TRAPPC9: variants seen among roughly 807,000 people sequenced by gnomAD.
TRAPPC9 encodes the protein IKK2 binding protein.
TRAPPC9 carries 83 observed loss-of-function variants against 124.0 expected under a neutral mutation model. That is an observed-to-expected ratio of 0.67 (90% CI 0.56 to 0.80). The LOEUF (loss-of-function observed/expected upper bound fraction) is 0.80, where lower values mean the gene tolerates loss of function less well. Ranked by LOEUF, TRAPPC9 falls within the 30% of genes least tolerant of loss-of-function variation. The pLI is 0.00. For missense variants in TRAPPC9, 1,302 were observed against 1,508.3 expected, an observed-to-expected ratio of 0.86 and a Z score of 2.27; for synonymous variants, 638 against 617.5, an observed-to-expected ratio of 1.03 and a Z score of -0.49.
chr8:139,731,329 G>A (rs1249277860), intron 22 of TRAPPC9, 101 bp from the exon 23 acceptor site: 7 of 1,427,582 alleles, frequency 4.9e-6, no homozygotes, highest in Non-Finnish European at 6.7e-6. Flanking sequence ...GTGTTATGGG[G>A]GAAGCGAGGG....
chr8:140,337,252 C>A (rs997525028), intron 9 of TRAPPC9, among the ~76,000 whole-genome samples: 2 of 152,178 alleles, frequency 1.3e-5, no homozygotes, highest in African/African-American at 4.8e-5. Flanking sequence ...GGAGTTCACA[C>A]ACATGAAGGC....
intron 17 of TRAPPC9, among the ~76,000 whole-genome samples, chr8:140,168,518 C>T (rs2061893619): frequency 6.6e-6 from 1 of 152,194 alleles, no homozygotes; most frequent in African/African-American, 2.4e-5. Context: ...CTTTCACTTC[C>T]CTTCTCTCAC....
At chr8:140,445,191 C>T (rs1206907878) in intron 2 of TRAPPC9, among the ~76,000 whole-genome samples, 2 of 152,184 alleles carry the variant, frequency 1.3e-5, no homozygotes, top group Non-Finnish European at 2.9e-5. Context: ...CTACTCTGTT[C>T]GAGTCACACT....
At chr8:140,278,405 C>T (rs1366122067) in intron 14 of TRAPPC9, among the ~76,000 whole-genome samples, 1 of 152,210 alleles carries the variant, frequency 6.6e-6, no homozygotes, top group African/African-American at 2.4e-5. Context: ...CGCACCCGGC[C>T]GTGACAATAT....
chr8:140,437,134 C>A (rs528243773), intron 3 of TRAPPC9, among the ~76,000 whole-genome samples: 1 of 143,922 alleles, frequency 6.9e-6, no homozygotes, highest in Admixed American at 7.1e-5. Flanking sequence ...CAGCTAATGT[C>A]TTTTTATTTT....
In TRAPPC9 at chr8:139,907,723, G is replaced by C. The variant is rs1164368753; in HGVS notation, c.2964+2424C>G. On this transcript the variant is annotated intron_variant, in intron 20 of 22. Transcript: ENST00000438773. The surrounding 1 kb of genome is among the most constrained non-coding windows in gnomAD (Gnocchi z 4.7). Reference sequence around the variant, plus strand: ...GGTAGGCAATCAATAAATATGTGTTGCATGAATTATTAAGCAAATATACAG... The same window carrying C: ...GGTAGGCAATCAATAAATATGTGTTCCATGAATTATTAAGCAAATATACAG... 6.6e-6 allele frequency among the ~76,000 whole-genome samples: 1 copy of C among 152,192 alleles called. No homozygotes were observed. Among genetic ancestry groups the C allele is most frequent in the East Asian group, 1.9e-4 (1 of 5,194 alleles).
chr8:140,453,960 C>T (rs374777530), intron 1 of TRAPPC9, among the ~76,000 whole-genome samples: 4 of 152,254 alleles, frequency 2.6e-5, no homozygotes, highest in African/African-American at 9.6e-5. Context: ...GAGGAGAGCG[C>T]GGCCCACCGC....
chr8:140,337,727 TGA>T (rs1403522913), intron 9 of TRAPPC9, among the ~76,000 whole-genome samples: 1 of 151,894 alleles, frequency 6.6e-6, no homozygotes, highest in Non-Finnish European at 1.5e-5. Flanking sequence ...AGCGGTGCTG[TGA>T]GAGTGGCTGT....
At position 139,827,166 on chromosome 8, in the gene TRAPPC9, G is replaced by A. The variant is rs114984383; in HGVS notation, c.3055+58713C>T. 7.8e-3 allele frequency among the ~76,000 whole-genome samples: 1,186 copies of A among 152,364 alleles called. 11 individuals are homozygous for A. The highest frequency in any genetic ancestry group is 0.027 in the African/African-American group (1,127 of 41,596). On this transcript the variant is annotated intron_variant, in intron 21 of 22. Transcript: ENST00000438773. Reference sequence around the variant, plus strand: ...ACAGCTGTTGCAGAATGGTGAGCTAGAGCCCGGGAAGCGCCTACAGCAGGT... The same window carrying A: ...ACAGCTGTTGCAGAATGGTGAGCTAAAGCCCGGGAAGCGCCTACAGCAGGT...
intron 21 of TRAPPC9, among the ~76,000 whole-genome samples, chr8:139,817,045 A>AACACACACACACACACAC (rs1228353322): frequency 0.036 from 4,918 of 135,294 alleles, 199 homozygotes; most frequent in African/African-American, 0.075. Context: ...ACATAAACTA[A>AACACACACACACACACAC]ACACACACAC....
intron 7 of TRAPPC9, among the ~76,000 whole-genome samples, chr8:140,388,974 T>C (rs1224499626): frequency 6.8e-6 from 1 of 146,208 alleles, no homozygotes; most frequent in Non-Finnish European, 1.5e-5. Flanking sequence ...TTTTTTTTTT[T>C]TTGATGGAGT....
chr8:140,207,369 A>C (rs540089587), intron 17 of TRAPPC9, among the ~76,000 whole-genome samples: 2 of 152,334 alleles, frequency 1.3e-5, no homozygotes, highest in South Asian at 4.1e-4. Flanking sequence ...GTCTCTATTT[A>C]AACTGCTTTG....
chr8:139,745,168 C>T (rs1477087989), intron 21 of TRAPPC9, among the ~76,000 whole-genome samples: 1 of 152,210 alleles, frequency 6.6e-6, no homozygotes. Context: ...CCAGGGTCTC[C>T]CAGCCCATGG....
upstream of TRAPPC9, chr8:140,458,389 C>G (rs780990176): frequency 3.8e-6 from 6 of 1,597,694 alleles, no homozygotes. Context: ...GTGACCCTCA[C>G]GGTACCCCCC....
In TRAPPC9 at chr8:139,877,927, C is replaced by G. The variant is rs139919922; in HGVS notation, c.3055+7952G>C. ...GAGACCCCAGTTGGCTCAGCGCTGACTCCTTGCCAGTCCGAGCCACGCAAC... is the reference window on the plus strand; with the variant it reads ...GAGACCCCAGTTGGCTCAGCGCTGAGTCCTTGCCAGTCCGAGCCACGCAAC... On this transcript the variant is annotated intron_variant, in intron 21 of 22. Transcript: ENST00000438773. Among the ~76,000 whole-genome samples, 147 of 152,334 alleles carry G rather than the reference C, an allele frequency of 9.6e-4. 1 individual carries two copies. Among genetic ancestry groups the G allele is most frequent in the African/African-American group, 3.4e-3 (142 of 41,568 alleles).
At chr8:140,435,476 G>T (rs2070782093) in intron 3 of TRAPPC9, among the ~76,000 whole-genome samples, 1 of 152,220 alleles carries the variant, frequency 6.6e-6, no homozygotes, top group South Asian at 2.1e-4. Flanking sequence ...TGTCCAGGCA[G>T]GCAATGCAGA....
chr8:140,340,921 C>T (rs1043082883), intron 9 of TRAPPC9, among the ~76,000 whole-genome samples: 3 of 152,166 alleles, frequency 2.0e-5, no homozygotes, highest in African/African-American at 4.8e-5. Context: ...TAACCAACAA[C>T]AATTACTATA....
At chr8:140,395,962 C>T (rs1363238217) in intron 7 of TRAPPC9, among the ~76,000 whole-genome samples, 1 of 152,112 alleles carries the variant, frequency 6.6e-6, no homozygotes, top group East Asian at 1.9e-4. Flanking sequence ...TCCACGTAGA[C>T]TCCCAAGCAC....
intron 18 of TRAPPC9, among the ~76,000 whole-genome samples, chr8:139,991,816 T>C (rs1837672360): frequency 6.6e-6 from 1 of 152,136 alleles, no homozygotes; most frequent in African/African-American, 2.4e-5. Flanking sequence ...AAATAAGCCC[T>C]TTTTCAGCAA....
Sources: allele counts gnomAD v4.1 joint callset (sites outside exome capture counted in the v4.1 genomes callset), GRCh38; gene constraint gnomAD v4.1.1; non-coding constraint Gnocchi (gnomAD v3.1); transcripts MANE v1.5; gene names NCBI Gene and HGNC (gene_info 2026-07-23, HGNC 2026-07-21).